APBA1: variants seen among roughly 807,000 people sequenced by gnomAD.
APBA1 encodes amyloid beta precursor protein binding family A member 1.
Under a neutral mutation model 86.6 loss-of-function variants are expected in APBA1, and 55 were observed. The observed-to-expected ratio is 0.64, with a 90% confidence interval of 0.51 to 0.80. The LOEUF is 0.80. Ranked by LOEUF, APBA1 falls within the 30% of genes least tolerant of loss-of-function variation. The pLI is 0.00. For missense variants in APBA1, 1,090 were observed against 1,183.0 expected (o/e 0.92, Z 1.15); for synonymous variants, 511 against 493.9 (o/e 1.03, Z -0.46).
At position 69,430,567 on chromosome 9, in the gene APBA1, G is replaced by C. The variant is rs1834572331; in HGVS notation, c.*760C>G. On this transcript the variant is annotated 3_prime_UTR_variant, in exon 13 of 13. Transcript: ENST00000265381. ...TGTGTGTGTGTGTGTGTGTGAGAGA[G>C]AGAGAAGCAGACAGTACCTGCCTGT... 1 of 152,386 alleles carries C rather than the reference G, an allele frequency of 6.6e-6. No homozygotes were observed. Among genetic ancestry groups the C allele is most frequent in the South Asian group, 2.1e-4 (1 of 4,828 alleles). 9.4% of individuals were successfully genotyped at this position (152,386 alleles called of 1,614,324 possible). A position where few individuals can be genotyped will look rare whatever the true frequency, so the allele number is the denominator to read the frequency against.
At chr9:69,494,739 A>C (rs546059803) in intron 2 of APBA1, among the ~76,000 whole-genome samples, 1 of 152,178 alleles carries the variant, frequency 6.6e-6, no homozygotes, top group Non-Finnish European at 1.5e-5. Context: ...GGAGAGAAAA[A>C]CCAAAACCAC....
At chr9:69,552,137 C>G (rs1418594837) in intron 1 of APBA1, among the ~76,000 whole-genome samples, 1 of 152,100 alleles carries the variant, frequency 6.6e-6, no homozygotes, top group African/African-American at 2.4e-5. Flanking sequence ...TTGAATATGA[C>G]AATGGAAGAG....
intron 2 of APBA1, among the ~76,000 whole-genome samples, chr9:69,494,893 T>C (rs1218930094): frequency 6.6e-6 from 1 of 152,136 alleles, no homozygotes; most frequent in African/African-American, 2.4e-5. Flanking sequence ...ATTATACTCA[T>C]TACCTCACTG....
rs551422464 is a variant in APBA1, at chr9:69,604,916, G to A, written c.-70+67237C>T. On this transcript the variant is annotated intron_variant, in intron 1 of 12. Coordinates refer to ENST00000265381, the MANE Select transcript of APBA1 (RefSeq NM_001163.4). ...TAAGAGGAGAGGCACACGGGTATGG[G>A]CACACATGCACACACGTGAGGGTAA... Among the ~76,000 whole-genome samples the A allele has an allele frequency of 2.6e-5, 4 of 151,950 alleles. No individual in the cohort carries two copies. In the South Asian group the frequency reaches 8.4e-4, roughly 32 times the overall value.
chr9:69,660,734 C>T (rs1188981574), intron 1 of APBA1, among the ~76,000 whole-genome samples: 3 of 152,174 alleles, frequency 2.0e-5, no homozygotes, highest in Non-Finnish European at 4.4e-5. Context: ...TCCTGATTTA[C>T]TCAATAAATA....
At chr9:69,517,540 C>T (rs1341865758) in intron 1 of APBA1, among the ~76,000 whole-genome samples, 1 of 152,134 alleles carries the variant, frequency 6.6e-6, no homozygotes, top group African/African-American at 2.4e-5. Context: ...ACGTTTTGTT[C>T]TCCACCACGC....
chr9:69,466,475 G>A (rs538803410), intron 5 of APBA1, among the ~76,000 whole-genome samples: 1 of 152,358 alleles, frequency 6.6e-6, no homozygotes, highest in South Asian at 2.1e-4. Flanking sequence ...CTCTCAGGCA[G>A]AAGGCAGTGG....
intron 2 of APBA1, among the ~76,000 whole-genome samples, chr9:69,493,651 C>T (rs1255324371): frequency 6.6e-6 from 1 of 152,100 alleles, no homozygotes; most frequent in Non-Finnish European, 1.5e-5. Flanking sequence ...GTTTCCTCTC[C>T]AAGTGCCTCA....
chr9:69,512,614 A>T (rs1836069612), intron 2 of APBA1, among the ~76,000 whole-genome samples: 1 of 152,206 alleles, frequency 6.6e-6, no homozygotes. Context: ...TATCTGTGCT[A>T]ATAAAAGATT....
intron 1 of APBA1, among the ~76,000 whole-genome samples, chr9:69,570,968 A>G (rs1170453502): frequency 6.6e-6 from 1 of 152,180 alleles, no homozygotes; most frequent in African/African-American, 2.4e-5. Flanking sequence ...TCCGGTTTTT[A>G]TCACTTCTTA....
At chr9:69,443,104 G>A (rs893979594) in intron 10 of APBA1, among the ~76,000 whole-genome samples, 15 of 152,284 alleles carry the variant, frequency 9.9e-5, no homozygotes, top group African/African-American at 3.6e-4. Context: ...TGGCCAGCAG[G>A]TGTACACCAA....
rs1413224705 is a variant in APBA1 at position 69,526,824 on chromosome 9, T to C, written c.-69-9545A>G. ...AGCACAGACATGGAACCAACCTAGG[T>C]GCTCATCAATGGTGGGCTGGATAAA... On this transcript the variant is annotated intron_variant, in intron 1 of 12. Transcript: ENST00000265381. Among the ~76,000 whole-genome samples the C allele has an allele frequency of 2.0e-5, 3 of 152,076 alleles. No individual in the cohort carries two copies. In the East Asian group the frequency reaches 5.8e-4, roughly 29 times the overall value.
At chr9:69,573,093 G>A (rs536744036) in intron 1 of APBA1, among the ~76,000 whole-genome samples, 5 of 152,028 alleles carry the variant, frequency 3.3e-5, no homozygotes, top group Non-Finnish European at 7.4e-5. Context: ...CCAGGAGGTA[G>A]AGGTTGCAAT....
At position 69,516,513 on chromosome 9, in the gene APBA1, G is replaced by C; in HGVS notation, c.698C>G (p.Ala233Gly). ...GCGCTCGTCGTAATGGTGCAGCCGC[G>C]CGCCCAGGGCCTCCTGGCGGTACGC... ...AAAYRQEALG[A>G]RLHHYDERSD... Residue 233 changes from alanine to glycine, a missense_variant, in exon 2 of 13, where the codon GCG (alanine) becomes GGG (glycine). By Grantham distance (60) the Ala-to-Gly change is moderately conservative. Around this residue, in one of 6 missense-constraint regions of APBA1, gnomAD observed 678 missense variants for 647.1 expected, o/e 1.05. Coordinates refer to ENST00000265381, the MANE Select transcript of APBA1 (RefSeq NM_001163.4). This position sits in a 1 kb window ranked among gnomAD's most constrained non-coding sequence, Gnocchi z 7.3. 1 of 1,595,446 alleles carries C rather than the reference G, an allele frequency of 6.3e-7. No homozygotes were observed. The highest frequency in any genetic ancestry group is 8.5e-7 in the Non-Finnish European group (1 of 1,176,538).
intron 1 of APBA1, among the ~76,000 whole-genome samples, chr9:69,617,027 TACAC>T (rs144629405): frequency 5.3e-5 from 8 of 151,584 alleles, no homozygotes; most frequent in African/African-American, 1.7e-4. Flanking sequence ...ATTGTAACCT[TACAC>T]ACACACACAC....
chr9:69,489,387 C>A (rs1835664986), intron 2 of APBA1, among the ~76,000 whole-genome samples: 1 of 152,098 alleles, frequency 6.6e-6, no homozygotes, highest in Non-Finnish European at 1.5e-5. Context: ...GAAAGGATTC[C>A]CTATTTAATA....
chr9:69,619,564 A>G (rs1822772414), intron 1 of APBA1, among the ~76,000 whole-genome samples: 1 of 152,226 alleles, frequency 6.6e-6, no homozygotes, highest in Non-Finnish European at 1.5e-5. Flanking sequence ...AGAGCCATAC[A>G]AAGGCAGGGC....
chr9:69,464,383 G>A (rs1224228638), intron 5 of APBA1: 1 of 152,232 alleles, frequency 6.6e-6, no homozygotes, highest in Non-Finnish European at 1.5e-5. Flanking sequence ...TAAATGAAAT[G>A]TAACCATTTA....
At chr9:69,505,763 A>G (rs1181161375) in intron 2 of APBA1, among the ~76,000 whole-genome samples, 2 of 152,038 alleles carry the variant, frequency 1.3e-5, no homozygotes, top group African/African-American at 4.8e-5. Context: ...CATGCCTGTA[A>G]TCCCAGTATT....
Sources: allele counts gnomAD v4.1 joint callset (sites outside exome capture counted in the v4.1 genomes callset), GRCh38; gene constraint gnomAD v4.1.1; regional missense constraint gnomAD v4.1.1; non-coding constraint Gnocchi (gnomAD v3.1); transcripts MANE v1.5; gene names NCBI Gene and HGNC (gene_info 2026-07-23, HGNC 2026-07-21).